Variants in C12orf50 observed in about 807,000 individuals in gnomAD.
C12orf50 encodes the protein uncharacterized protein C12orf50.
Under a neutral mutation model 61.6 loss-of-function variants are expected in C12orf50, and 35 were observed. That is an observed-to-expected ratio of 0.57 (90% confidence interval 0.43 to 0.75). The LOEUF (loss-of-function observed/expected upper bound fraction) is 0.75, where lower values mean the gene tolerates loss of function less well. Among genes scored for constraint, C12orf50 ranks in the 30% least tolerant of loss-of-function variants. The pLI is 0.00. For synonymous variants in C12orf50, 178 were observed against 161.5 expected (o/e 1.10, Z -0.77); for missense variants, 475 against 488.5 (o/e 0.97, Z 0.26).
At chr12:87,981,382 C>G (rs981958957) in intron 12 of C12orf50, among the ~76,000 whole-genome samples, 1 of 152,086 alleles carries the variant, frequency 6.6e-6, no homozygotes, top group Non-Finnish European at 1.5e-5. Context: ...CCTAGATACC[C>G]AGTCTAAGGT....
intron 7 of C12orf50, among the ~76,000 whole-genome samples, chr12:87,991,251 T>C (rs2031107551): frequency 3.9e-5 from 6 of 152,156 alleles, no homozygotes; most frequent in Admixed American, 3.9e-4. Context: ...TCATACACTA[T>C]GTAATTTTTA....
intron 6 of C12orf50, among the ~76,000 whole-genome samples, chr12:87,994,954 T>G (rs973574582): frequency 6.6e-6 from 1 of 152,192 alleles, no homozygotes; most frequent in Non-Finnish European, 1.5e-5. Context: ...CCTATTTGGA[T>G]TATTTATTCA....
Position 87,985,956 on chromosome 12 carries a change from A to G in C12orf50, c.1020T>C (p.Asp340=). The G allele has an allele frequency of 6.2e-7, 1 of 1,613,902 alleles. No individual in the cohort carries two copies. Among genetic ancestry groups the G allele is most frequent in the East Asian group, 2.2e-5 (1 of 44,866 alleles). Residue 340 remains aspartate, a synonymous_variant, in exon 11 of 13, where the codon GAT becomes GAC. Coordinates refer to ENST00000298699, the MANE Select transcript of C12orf50 (RefSeq NM_152589.3). ...ENASYIHVQR[D]AVRTVALNAP... is the part of the protein sequence containing the mutation. ...CATTCAACGCGACAGTCCTGACAGCATCTCTTTGAACGTGGATATAGGATG... is the reference window on the plus strand; with the variant it reads ...CATTCAACGCGACAGTCCTGACAGCGTCTCTTTGAACGTGGATATAGGATG...
chr12:87,999,970 A>G (rs1223988625), intron 3 of C12orf50, among the ~76,000 whole-genome samples: 1 of 152,132 alleles, frequency 6.6e-6, no homozygotes, highest in Non-Finnish European at 1.5e-5. Flanking sequence ...AATATCAAAA[A>G]TAGATATATT....
At chr12:87,996,858 T>G (rs1196870320) in intron 4 of C12orf50, among the ~76,000 whole-genome samples, 1 of 152,202 alleles carries the variant, frequency 6.6e-6, no homozygotes, top group Non-Finnish European at 1.5e-5. Context: ...GGGCTATGTA[T>G]TATGTACTTT....
At chr12:88,005,954 T>G (rs2031857287) in intron 3 of C12orf50, among the ~76,000 whole-genome samples, 1 of 143,658 alleles carries the variant, frequency 7.0e-6, no homozygotes, top group Non-Finnish European at 1.5e-5. Context: ...TCTTGCTCAG[T>G]CGCCCAGGCT....
chr12:88,013,944 G>A (rs1282934015), intron 3 of C12orf50, among the ~76,000 whole-genome samples: 2 of 152,124 alleles, frequency 1.3e-5, no homozygotes, highest in South Asian at 2.1e-4. Context: ...TTGGGTATCC[G>A]GGCTTCTGAG....
At chr12:88,013,593 A>G (rs1289377552) in intron 3 of C12orf50, among the ~76,000 whole-genome samples, 1 of 152,250 alleles carries the variant, frequency 6.6e-6, no homozygotes, top group Non-Finnish European at 1.5e-5. Context: ...GTTCCAAAAA[A>G]ACAAAAATAA....
At chr12:87,995,147 T>A (rs575663304) in intron 6 of C12orf50, among the ~76,000 whole-genome samples, 1 of 152,298 alleles carries the variant, frequency 6.6e-6, no homozygotes, top group Admixed American at 6.5e-5. Flanking sequence ...CACTGATAAT[T>A]AAATAATACT....
In C12orf50 at chr12:88,026,982, G is replaced by A; in HGVS notation, c.-20C>T. On this transcript the variant is annotated 5_prime_UTR_variant, in exon 2 of 13. Transcript: ENST00000298699. ...TTCCATGTGTCTAAATCTGCAAAGT[G>A]GATCTAAACATTTCCTCTCTCTCCA... is the stretch of plus-strand genomic sequence containing the variant. 6.2e-7 allele frequency: 1 copy of A among 1,613,826 alleles called. No individual in the cohort carries two copies. The highest frequency in any genetic ancestry group is 1.1e-5 in the South Asian group (1 of 90,994).
At chr12:88,009,548 T>C (rs947109567) in intron 3 of C12orf50, among the ~76,000 whole-genome samples, 1 of 152,108 alleles carries the variant, frequency 6.6e-6, no homozygotes, top group Non-Finnish European at 1.5e-5. Context: ...TCTGGATATA[T>C]TTTTGGTTGT....
chr12:88,028,691 A>C (rs2032794305), intron 1 of C12orf50, among the ~76,000 whole-genome samples: 1 of 152,136 alleles, frequency 6.6e-6, no homozygotes, highest in African/African-American at 2.4e-5. Context: ...AACTATTTGA[A>C]TTATAATGAC....
At chr12:88,004,677 T>A (rs1481306343) in intron 3 of C12orf50, among the ~76,000 whole-genome samples, 1 of 152,156 alleles carries the variant, frequency 6.6e-6, no homozygotes, top group Non-Finnish European at 1.5e-5. Flanking sequence ...GTGGCACATA[T>A]ACACCATGAA....
intron 3 of C12orf50, among the ~76,000 whole-genome samples, chr12:88,002,621 A>G (rs2031697373): frequency 6.6e-6 from 1 of 151,808 alleles, no homozygotes; most frequent in South Asian, 2.1e-4. Context: ...TTCTGTAGAC[A>G]GCATATAGTT....
At chr12:88,017,770 G>A (rs925915136) in intron 3 of C12orf50, among the ~76,000 whole-genome samples, 3 of 152,194 alleles carry the variant, frequency 2.0e-5, no homozygotes, top group African/African-American at 7.2e-5. Flanking sequence ...TGGAGCAAAG[G>A]TGACTCTTAT....
chr12:87,994,772 C>T, intron 6 of C12orf50, 29 bp from the exon 7 acceptor site: 1 of 1,438,156 alleles, frequency 7.0e-7, no homozygotes, highest in Non-Finnish European at 9.7e-7. Flanking sequence ...AAAAGTCACC[C>T]CAGAAATTAT....
chr12:88,009,437 T>C (rs2032014908), intron 3 of C12orf50, among the ~76,000 whole-genome samples: 1 of 152,126 alleles, frequency 6.6e-6, no homozygotes, highest in African/African-American at 2.4e-5. Flanking sequence ...TTTCTTCCTT[T>C]TCAAATGCCT....
chr12:88,018,473 T>C (rs2032393932), intron 3 of C12orf50, among the ~76,000 whole-genome samples: 2 of 152,154 alleles, frequency 1.3e-5, no homozygotes, highest in African/African-American at 4.8e-5. Context: ...GCTAGGGCAG[T>C]GTGGAAGGGA....
chr12:87,995,728 C>G (rs1399488006), intron 6 of C12orf50, among the ~76,000 whole-genome samples: 1 of 152,074 alleles, frequency 6.6e-6, no homozygotes, highest in Non-Finnish European at 1.5e-5. Flanking sequence ...TGCAATCTGT[C>G]CTTCCCTATA....
Sources: allele counts gnomAD v4.1 joint callset (sites outside exome capture counted in the v4.1 genomes callset), GRCh38; gene constraint gnomAD v4.1.1; transcripts MANE v1.5; gene names NCBI Gene and HGNC (gene_info 2026-07-23, HGNC 2026-07-21).